Variants in GHR observed in about 807,000 individuals in gnomAD.
GHR encodes growth hormone receptor, also known as GH receptor.
GHR carries 35 observed loss-of-function variants against 67.1 expected under a neutral mutation model. The observed-to-expected ratio is 0.52, with a 90% CI of 0.40 to 0.69. The LOEUF is 0.69. Among genes scored for constraint, GHR ranks in the 30% least tolerant of loss-of-function variants. The probability of loss-of-function intolerance (pLI) is 0.00; values close to 1 mark genes in which losing one functional copy is unlikely to be tolerated. For missense variants in GHR, 792 were observed against 764.6 expected (o/e 1.04, Z -0.42); for synonymous variants, 272 against 269.1 (o/e 1.01, Z -0.10).
rs12515372 is a variant in GHR at position 42,582,475 on chromosome 5, G to T, written c.70+16531G>T. 3.6e-3 allele frequency among the ~76,000 whole-genome samples: 555 copies of T among 152,282 alleles called. 13 individuals are homozygous for T. Among genetic ancestry groups the T allele is most frequent in the Admixed American group, 0.034 (517 of 15,308 alleles). On this transcript the variant is annotated intron_variant, in intron 2 of 9. Transcript: ENST00000230882. ...TATGGATAAGAGCTACCCACTTCAG[G>T]TCTCCTGAGAACTGTACTGTCACTC...
At chr5:42,576,046 TAATAA>T (rs1554021364) in intron 2 of GHR, among the ~76,000 whole-genome samples, 44 of 55,884 alleles carry the variant, frequency 7.9e-4, no homozygotes, top group South Asian at 1.8e-3. Context: ...AAAATTAAAA[TAATAA>T]AATAAAATAA....
intron 1 of GHR, among the ~76,000 whole-genome samples, chr5:42,535,314 A>C (rs1277599691): frequency 6.6e-6 from 1 of 152,150 alleles, no homozygotes; most frequent in Non-Finnish European, 1.5e-5. Context: ...TCCTTAATCC[A>C]TCCTGAGTAG....
chr5:42,515,524 G>T (rs900700826), intron 1 of GHR, among the ~76,000 whole-genome samples: 7 of 152,218 alleles, frequency 4.6e-5, no homozygotes, highest in African/African-American at 1.7e-4. Flanking sequence ...AAGAGTAATG[G>T]TCGACACAGG....
At chr5:42,587,309 T>A (rs1332755933) in intron 2 of GHR, among the ~76,000 whole-genome samples, 1 of 152,162 alleles carries the variant, frequency 6.6e-6, no homozygotes, top group Non-Finnish European at 1.5e-5. Context: ...TTTCTTTTCC[T>A]CCAAACAAAG....
chr5:42,613,157 C>T (rs967448220), intron 2 of GHR, among the ~76,000 whole-genome samples: 1 of 152,160 alleles, frequency 6.6e-6, no homozygotes, highest in Non-Finnish European at 1.5e-5. Flanking sequence ...GGGACCACTT[C>T]AAGGACTTTT....
intron 1 of GHR, among the ~76,000 whole-genome samples, chr5:42,561,566 A>AT: frequency 6.6e-6 from 1 of 152,236 alleles, no homozygotes. Context: ...TAATTATGTA[A>AT]TTTGGAGGCC....
chr5:42,513,342 A>T (rs1747102436), intron 1 of GHR, among the ~76,000 whole-genome samples: 1 of 152,222 alleles, frequency 6.6e-6, no homozygotes, highest in Non-Finnish European at 1.5e-5. Context: ...ATTGTGGATT[A>T]TCCAGCTCTA....
chr5:42,672,499 A>C (rs560003387), intron 3 of GHR, among the ~76,000 whole-genome samples: 3 of 152,318 alleles, frequency 2.0e-5, no homozygotes, highest in African/African-American at 7.2e-5. Context: ...AACAAAGATG[A>C]CAAAATTAGC....
rs777008477 is a variant in GHR at position 42,688,893 on chromosome 5, C to G, written c.140C>G (p.Ser47Cys). ...GCCTTTTCTTTTTATTCTGCAGATT[C>G]TTCTAAGGAGCCTAAATTCACCAAG... ...QSVNPGLKTNSSKEPKFTKCR... is the reference protein window; with the variant it reads ...QSVNPGLKTNCSKEPKFTKCR... The change falls in exon 4 of 10, where the codon TCT (serine) becomes TGT (cysteine). Residue 47 changes from serine to cysteine, a missense_variant. By Grantham distance (112) the Ser-to-Cys change is moderately radical. Transcript: ENST00000230882. 11 of 1,613,658 alleles carry G rather than the reference C, an allele frequency of 6.8e-6. 1 individual carries two copies. The African/African-American group carries it at 1.3e-4, about 20-fold the overall frequency.
chr5:42,599,676 T>A (rs1752265559), intron 2 of GHR, among the ~76,000 whole-genome samples: 1 of 152,136 alleles, frequency 6.6e-6, no homozygotes, highest in African/African-American at 2.4e-5. Flanking sequence ...ACACCACATT[T>A]GTAAGCAGAT....
chr5:42,514,844 C>A (rs1747171860), intron 1 of GHR: 1 of 152,208 alleles, frequency 6.6e-6, no homozygotes, highest in African/African-American at 2.4e-5. Context: ...AAGAACTGAT[C>A]ACACACTGCA....
At chr5:42,651,850 A>C (rs940394362) in intron 3 of GHR, among the ~76,000 whole-genome samples, 2 of 152,210 alleles carry the variant, frequency 1.3e-5, no homozygotes, top group Admixed American at 1.3e-4. Flanking sequence ...CTTTAAAAAA[A>C]TTAGCCAGAA....
At chr5:42,466,830 T>C in intron 1 of GHR, 1 of 1,225,560 alleles carries the variant, frequency 8.2e-7, no homozygotes, top group Non-Finnish European at 1.1e-6. Context: ...AAGAGGTGTC[T>C]CATTTGGGAG....
intron 1 of GHR, among the ~76,000 whole-genome samples, chr5:42,433,379 G>A (rs900502376): frequency 6.6e-6 from 1 of 151,964 alleles, no homozygotes; most frequent in Non-Finnish European, 1.5e-5. Flanking sequence ...TTAGCCTACA[G>A]GATGTAAGTC....
At chr5:42,528,582 C>T (rs540861847) in intron 1 of GHR, among the ~76,000 whole-genome samples, 37 of 152,308 alleles carry the variant, frequency 2.4e-4, no homozygotes, top group African/African-American at 8.4e-4. Context: ...GCCATGAACA[C>T]TGTTGAAATG....
At position 42,453,280 on chromosome 5, in the gene GHR, G is replaced by A. The variant is rs532664388; in HGVS notation, c.-12+29325G>A. On this transcript the variant is annotated intron_variant, in intron 1 of 9. Coordinates refer to ENST00000230882, the MANE Select transcript of GHR (RefSeq NM_000163.5). ...GCTGGAATGGCAGGGATCCCTTGACGCTTATGTCCTCCTCTCATGGTATAC... is the reference window on the plus strand; with the variant it reads ...GCTGGAATGGCAGGGATCCCTTGACACTTATGTCCTCCTCTCATGGTATAC... Among the ~76,000 whole-genome samples the A allele has an allele frequency of 1.2e-3, 187 of 152,136 alleles. 1 individual carries two copies. The Middle Eastern group carries it at 0.024, about 19-fold the overall frequency.
chr5:42,465,280 G>T, intron 1 of GHR: 1 of 639,746 alleles, frequency 1.6e-6, no homozygotes. Context: ...TTCTTATACT[G>T]AATGTGATGA....
At chr5:42,662,437 C>G (rs1403063437) in intron 3 of GHR, among the ~76,000 whole-genome samples, 1 of 152,150 alleles carries the variant, frequency 6.6e-6, no homozygotes, top group East Asian at 1.9e-4. Context: ...AACTAGAACT[C>G]AGGATTAGGA....
intron 2 of GHR, among the ~76,000 whole-genome samples, chr5:42,614,552 A>G (rs1753044832): frequency 7.6e-6 from 1 of 131,100 alleles, no homozygotes; most frequent in Admixed American, 8.0e-5. Flanking sequence ...TATAGGCCAT[A>G]GAGGACATTT....
Sources: allele counts gnomAD v4.1 joint callset (sites outside exome capture counted in the v4.1 genomes callset), GRCh38; gene constraint gnomAD v4.1.1; transcripts MANE v1.5; gene names NCBI Gene and HGNC (gene_info 2026-07-23, HGNC 2026-07-21).